APBA2: variants seen among roughly 807,000 people sequenced by gnomAD.
APBA2 encodes amyloid-beta A4 precursor protein-binding family A member 2.
In APBA2, 30 loss-of-function variants were observed where a neutral mutation model predicts 75.0. That is an observed-to-expected ratio of 0.40 (90% CI 0.30 to 0.54). The LOEUF (loss-of-function observed/expected upper bound fraction) is 0.54, where lower values mean the gene tolerates loss of function less well. Ranked by LOEUF, APBA2 falls within the 20% of genes least tolerant of loss-of-function variation. The probability of loss-of-function intolerance (pLI) is 0.49; values close to 1 mark genes in which losing one functional copy is unlikely to be tolerated. For missense variants in APBA2, 801 were observed against 1,016.1 expected, an observed-to-expected ratio of 0.79 and a Z score of 2.88; for synonymous variants, 444 against 409.6, an observed-to-expected ratio of 1.08 and a Z score of -1.01.
In APBA2 at chr15:29,054,088, C is replaced by T. The variant is rs1179351862; in HGVS notation, c.204C>T (p.Pro68=). ...PEEQECHNHS[P]DGDSSSDYVN... ...AACAGGAGTGCCACAACCACAGCCC[C>T]GATGGGGACTCCAGCTCTGACTACG... Residue 68 remains proline, a synonymous_variant, in exon 4 of 15, where the codon CCC becomes CCT. Coordinates refer to ENST00000683413, the MANE Select transcript of APBA2 (RefSeq NM_001353788.2). The surrounding 1 kb of genome is among the most constrained non-coding windows in gnomAD (Gnocchi z 6.1). 13 of 1,614,108 alleles carry T rather than the reference C, an allele frequency of 8.1e-6. No individual in the cohort carries two copies. Among genetic ancestry groups the T allele is most frequent in the South Asian group, 3.3e-5 (3 of 91,084 alleles).
chr15:29,098,614 T>G (rs1432337254), intron 9 of APBA2, 38 bp downstream of exon 9: 1 of 1,533,088 alleles, frequency 6.5e-7, no homozygotes, highest in Non-Finnish European at 9.0e-7. Context: ...TCAGGTAAAC[T>G]CCTAAGTTCG....
At chr15:29,068,806 T>C (rs2152917150) in intron 4 of APBA2, among the ~76,000 whole-genome samples, 1 of 152,336 alleles carries the variant, frequency 6.6e-6, no homozygotes, top group South Asian at 2.1e-4. Context: ...GGGCAGTATG[T>C]TTGAGACCCT....
chr15:29,106,630 C>T lies in APBA2; in HGVS notation c.1728C>T (p.Gly576=), dbSNP rs373663412. Residue 576 remains glycine, a synonymous_variant, in exon 12 of 15, where the codon GGC becomes GGT. Coordinates refer to ENST00000683413, the MANE Select transcript of APBA2 (RefSeq NM_001353788.2). ...AGCTGCAGCTGGAGAAGCACAAGGG[C>T]GAGATCCTGGGCGTGGTGGTGGTGG... is the stretch of plus-strand genomic sequence containing the variant. ...CKELQLEKHK[G]EILGVVVVES... is the part of the protein sequence containing the mutation. The T allele has an allele frequency of 2.2e-5, 35 of 1,613,158 alleles. No individual in the cohort carries two copies. Among genetic ancestry groups the T allele is most frequent in the South Asian group, 6.6e-5 (6 of 91,086 alleles).
intron 3 of APBA2, among the ~76,000 whole-genome samples, chr15:28,999,265 G>T (rs184972559): frequency 1.3e-5 from 2 of 152,254 alleles, no homozygotes; most frequent in African/African-American, 4.8e-5. Flanking sequence ...AGAAAAGATG[G>T]ATTAATCAAA....
rs188568763 is a variant in APBA2, at chr15:28,991,853, C to G, written c.-94-3900C>G. Among the ~76,000 whole-genome samples, 1 of 152,202 alleles carries G rather than the reference C, an allele frequency of 6.6e-6. No homozygotes were observed. The highest frequency in any genetic ancestry group is 1.5e-5 in the Non-Finnish European group (1 of 68,034). The stretch of plus-strand genomic sequence containing the variant: ...TATTGTTCACCAGATTCCACTTGCT[C>G]TACAACCCAGGCACAGTGCACCAGA... On this transcript the variant is annotated intron_variant, in intron 2 of 14. Coordinates refer to ENST00000683413, the MANE Select transcript of APBA2 (RefSeq NM_001353788.2). The surrounding 1 kb of genome is among the most constrained non-coding windows in gnomAD (Gnocchi z 4.7).
Position 28,991,795 on chromosome 15 carries a change from C to T in APBA2, c.-94-3958C>T, listed in dbSNP as rs1022042689. On this transcript the variant is annotated intron_variant, in intron 2 of 14. Coordinates refer to ENST00000683413, the MANE Select transcript of APBA2 (RefSeq NM_001353788.2). This position sits in a 1 kb window ranked among gnomAD's most constrained non-coding sequence, Gnocchi z 4.7. ...CTCTGCTCAGTGTGGCCAGAGCCTC[C>T]TGTCAACAAGTATGTCACTGCCTTC... 8.5e-5 allele frequency among the ~76,000 whole-genome samples: 13 copies of T among 152,202 alleles called. No individual in the cohort carries two copies. Among genetic ancestry groups the T allele is most frequent in the Non-Finnish European group, 1.8e-4 (12 of 68,042 alleles).
At chr15:29,113,573 G>C (rs931925326) in intron 13 of APBA2, among the ~76,000 whole-genome samples, 2 of 152,190 alleles carry the variant, frequency 1.3e-5, no homozygotes, top group South Asian at 2.1e-4. Flanking sequence ...GCCTTGGGCT[G>C]TGTCACCAGT....
intron 6 of APBA2, among the ~76,000 whole-genome samples, chr15:29,079,047 C>T (rs994005987): frequency 2.0e-5 from 3 of 152,162 alleles, no homozygotes; most frequent in Non-Finnish European, 2.9e-5. Context: ...CTAATGCTTG[C>T]GGGGCAGGGC....
chr15:29,023,605 GC>G (rs1372101847), intron 3 of APBA2, among the ~76,000 whole-genome samples: 3 of 151,302 alleles, frequency 2.0e-5, no homozygotes, highest in Non-Finnish European at 4.4e-5. Context: ...ACAGGCGTCC[GC>G]CCCCATGCTT....
At chr15:29,095,334 C>T (rs1186044884) in intron 8 of APBA2, among the ~76,000 whole-genome samples, 1 of 151,742 alleles carries the variant, frequency 6.6e-6, no homozygotes, top group East Asian at 2.0e-4. Flanking sequence ...GAGGCTGAGG[C>T]AGGAGAATCA....
intron 3 of APBA2, among the ~76,000 whole-genome samples, chr15:29,051,494 A>G (rs1458001881): frequency 1.3e-5 from 2 of 152,144 alleles, no homozygotes; most frequent in Admixed American, 1.3e-4. Flanking sequence ...GCTTCTTTAG[A>G]TGTCAAGTGT....
Position 29,117,184 on chromosome 15 carries a change from C to T in APBA2, c.*51C>T. The T allele has an allele frequency of 1.3e-6, 2 of 1,564,106 alleles. No homozygotes were observed. The highest frequency in any genetic ancestry group is 1.8e-6 in the Non-Finnish European group (2 of 1,136,248). On this transcript the variant is annotated 3_prime_UTR_variant, in exon 15 of 15. Transcript: ENST00000683413. ...AGGACACCGGGCAGGGCCGCCCGGG[C>T]CCAGAGGAGCTGGGAGCCGGGCCGC...
At chr15:28,933,575 G>C (rs1210856226) in intron 2 of APBA2, among the ~76,000 whole-genome samples, 1 of 152,242 alleles carries the variant, frequency 6.6e-6, no homozygotes, top group Non-Finnish European at 1.5e-5. Flanking sequence ...GGGGCTCACA[G>C]TCTGCTAGTA....
intron 1 of APBA2, among the ~76,000 whole-genome samples, chr15:28,915,033 CAT>C (rs1426874421): frequency 1.3e-5 from 2 of 148,690 alleles, no homozygotes; most frequent in Admixed American, 1.3e-4. Flanking sequence ...ACACCACACA[CAT>C]ACCATGCCTA....
chr15:29,053,975 A>C lies in APBA2; in HGVS notation c.91A>C (p.Ser31Arg). ...TGTCCCTCACAGCCAGGAGCCCGAG[A>C]GCGAGGACATGGAGCTGCCCTTGGA... ...GPVPHSQEPE[S>R]EDMELPLEGY... Residue 31 changes from serine (S) to arginine (R), a missense_variant, in exon 4 of 15, where the codon AGC becomes CGC. Transcript: ENST00000683413. 1 of 1,613,960 alleles carries C rather than the reference A, an allele frequency of 6.2e-7. No homozygotes were observed. The highest frequency in any genetic ancestry group is 8.5e-7 in the Non-Finnish European group (1 of 1,179,976).
chr15:29,044,186 A>T (rs2041190543), intron 3 of APBA2: 1 of 152,186 alleles, frequency 6.6e-6, no homozygotes, highest in South Asian at 2.1e-4. Flanking sequence ...CTGCTATATT[A>T]CTAGCTCTTC....
At chr15:28,942,294 C>T (rs1408477741) in intron 2 of APBA2, among the ~76,000 whole-genome samples, 2 of 152,114 alleles carry the variant, frequency 1.3e-5, no homozygotes, top group African/African-American at 2.4e-5. Flanking sequence ...TGCCATTTCC[C>T]GTGTAATCCT....
chr15:29,116,666 C>T (rs1383584925), intron 14 of APBA2, among the ~76,000 whole-genome samples: 1 of 152,048 alleles, frequency 6.6e-6, no homozygotes, highest in Non-Finnish European at 1.5e-5. Flanking sequence ...GTGTCTTCCC[C>T]CATTGAGCTC....
At chr15:29,010,870 A>C (rs2039369787) in intron 3 of APBA2, among the ~76,000 whole-genome samples, 2 of 152,262 alleles carry the variant, frequency 1.3e-5, no homozygotes, top group Non-Finnish European at 2.9e-5. Context: ...AAAAAAACAC[A>C]GCATAAAATT....
Sources: gnomAD v4.1 joint callset for allele counts (sites outside exome capture counted in the v4.1 genomes callset) on GRCh38, gnomAD v4.1.1 for gene constraint, Gnocchi (gnomAD v3.1) non-coding constraint, MANE v1.5 for transcripts, NCBI Gene and HGNC (gene_info 2026-07-23, HGNC 2026-07-21) for gene names.